Variants in MALRD1 observed in about 807,000 individuals in gnomAD.
MALRD1 encodes the protein MAM and LDL-receptor class A domain-containing protein 1.
MALRD1 carries 247 observed loss-of-function variants against 242.1 expected under a neutral mutation model. The ratio of observed to expected loss-of-function variants is 1.02; its 90% CI spans 0.92 to 1.13. The LOEUF is 1.13. Ranked by LOEUF, MALRD1 falls within the 50% of genes most tolerant of loss-of-function variation. MALRD1 has a pLI of 0.00. For missense variants in MALRD1, 2,989 were observed against 2,533.1 expected (o/e 1.18, Z -3.86); for synonymous variants, 995 against 866.6 (o/e 1.15, Z -2.60).
intron 18 of MALRD1, among the ~76,000 whole-genome samples, chr10:19,232,533 G>A (rs1288127296): frequency 6.6e-6 from 1 of 151,842 alleles, no homozygotes; most frequent in Non-Finnish European, 1.5e-5. Flanking sequence ...AAGTCTCCTT[G>A]GACTCAAACC....
At position 19,049,108 on chromosome 10, in the gene MALRD1, AGT is replaced by A; in HGVS notation, c.174_175del (p.Cys58TrpfsTer3). 1 of 1,233,906 alleles carries A rather than the reference AGT, an allele frequency of 8.1e-7. No homozygotes were observed. The highest frequency in any genetic ancestry group is 4.2e-5 in the Admixed American group (1 of 23,730). 76.4% of individuals were successfully genotyped at this position (1,233,906 alleles called of 1,614,324 possible). A position where few individuals can be genotyped will look rare whatever the true frequency, so the allele number is the denominator to read the frequency against. ...GACAGCATTTGTGACTTCACAGATC[AGT>A]GTGGGGATAGCAGTGATGAACGGCA... On this transcript the variant is annotated frameshift_variant, in exon 1 of 40. Transcript: ENST00000454679. LOFTEE classifies it high-confidence loss of function.
intron 31 of MALRD1, among the ~76,000 whole-genome samples, chr10:19,518,582 C>G (rs1833740500): frequency 1.3e-5 from 2 of 152,104 alleles, no homozygotes; most frequent in African/African-American, 2.4e-5. Context: ...TCATAATTCA[C>G]TCTACAAAAT....
intron 31 of MALRD1, among the ~76,000 whole-genome samples, chr10:19,514,703 T>A (rs1227205120): frequency 6.6e-6 from 1 of 152,130 alleles, no homozygotes; most frequent in Non-Finnish European, 1.5e-5. Context: ...CTCACTTTTC[T>A]TAAGAAATGA....
intron 32 of MALRD1, among the ~76,000 whole-genome samples, chr10:19,547,785 CAT>C (rs1160775136): frequency 0.011 from 175 of 16,200 alleles, 6 homozygotes; most frequent in Middle Eastern, 0.045. Context: ...TTCACAGATA[CAT>C]ATATATATAT....
chr10:19,176,777 AGT>A (rs141400659), intron 14 of MALRD1, among the ~76,000 whole-genome samples: 10 of 150,938 alleles, frequency 6.6e-5, no homozygotes, highest in African/African-American at 1.5e-4. Context: ...TGTTCATGCA[AGT>A]GTGTGTGTGT....
At chr10:19,282,900 A>C (rs1408414147) in intron 20 of MALRD1, 119 bp from the exon 21 acceptor site, 4 of 690,966 alleles carry the variant, frequency 5.8e-6, no homozygotes, top group Non-Finnish European at 6.3e-6. Context: ...TAATTATTTT[A>C]ATAATGTTTA....
rs1035859015 is a variant in MALRD1, at chr10:19,312,373, A to T, written c.3420-11576A>T. On this transcript the variant is annotated intron_variant, in intron 21 of 39. Transcript: ENST00000454679. Reference sequence around the variant, plus strand: ...TCTGGTTCAGTACAGGGCACAGAGGAATGTGTATATATATATATATATATA... The same window carrying T: ...TCTGGTTCAGTACAGGGCACAGAGGTATGTGTATATATATATATATATATA... 8.6e-5 allele frequency among the ~76,000 whole-genome samples: 9 copies of T among 104,064 alleles called. No individual in the cohort carries two copies. In the South Asian group the frequency reaches 1.5e-3, roughly 18 times the overall value. 68.3% of individuals were successfully genotyped at this position (104,064 alleles called of 152,430 possible). A position where few individuals can be genotyped will look rare whatever the true frequency, so the allele number is the denominator to read the frequency against.
chr10:19,661,765 C>A (rs1451323816), intron 36 of MALRD1, among the ~76,000 whole-genome samples: 1 of 151,992 alleles, frequency 6.6e-6, no homozygotes, highest in Non-Finnish European at 1.5e-5. Flanking sequence ...GCACATGTAC[C>A]CTAAAACTTA....
At chr10:19,692,887 A>ATAT (rs1307361084) in intron 38 of MALRD1, among the ~76,000 whole-genome samples, 1 of 38,578 alleles carries the variant, frequency 2.6e-5, no homozygotes, top group African/African-American at 2.0e-4. Flanking sequence ...ATATATATAT[A>ATAT]ATTTCATCCC....
chr10:19,344,667 A>G (rs917913874), intron 24 of MALRD1, among the ~76,000 whole-genome samples: 7 of 151,008 alleles, frequency 4.6e-5, no homozygotes, highest in Admixed American at 2.7e-4. Flanking sequence ...ATAAAAATAT[A>G]TATCTACAAG....
intron 18 of MALRD1, among the ~76,000 whole-genome samples, chr10:19,230,665 T>C (rs1170243434): frequency 6.6e-6 from 1 of 152,120 alleles, no homozygotes; most frequent in Non-Finnish European, 1.5e-5. Flanking sequence ...AAGCTGACAA[T>C]GCTTAGGATC....
intron 29 of MALRD1, among the ~76,000 whole-genome samples, chr10:19,486,082 A>G (rs1458257392): frequency 7.5e-6 from 1 of 132,496 alleles, no homozygotes; most frequent in Admixed American, 7.5e-5. Flanking sequence ...AATGTTAAAG[A>G]CATTGTGTAA....
intron 28 of MALRD1, among the ~76,000 whole-genome samples, chr10:19,405,584 C>G (rs181526709): frequency 2.0e-5 from 3 of 152,280 alleles, no homozygotes; most frequent in Admixed American, 2.0e-4. Flanking sequence ...AACACCAACA[C>G]AAGGCTTATT....
chr10:19,380,615 A>T (rs1220190356), intron 26 of MALRD1, among the ~76,000 whole-genome samples: 23 of 151,976 alleles, frequency 1.5e-4, no homozygotes, highest in Admixed American at 1.5e-3. Flanking sequence ...TAGAAGTTTA[A>T]TGTCCATACA....
chr10:19,195,426 C>A (rs1252938653), intron 14 of MALRD1, among the ~76,000 whole-genome samples: 2 of 152,118 alleles, frequency 1.3e-5, no homozygotes, highest in Non-Finnish European at 2.9e-5. Flanking sequence ...TAGTCTCCAG[C>A]TTTAAATGCC....
intron 14 of MALRD1, among the ~76,000 whole-genome samples, chr10:19,198,948 A>C (rs111986867): frequency 0.018 from 2,813 of 152,342 alleles, 33 homozygotes; most frequent in Non-Finnish European, 0.029. Flanking sequence ...AACTTCAAAC[A>C]CATAACCATT....
chr10:19,518,567 T>C (rs540989985), intron 31 of MALRD1, among the ~76,000 whole-genome samples: 6 of 152,360 alleles, frequency 3.9e-5, no homozygotes, highest in Non-Finnish European at 8.8e-5. Flanking sequence ...TGACATACGT[T>C]GCCTTCATAA....
At chr10:19,692,251 T>A (rs932210933) in intron 36 of MALRD1, 31 bp from the exon 37 acceptor site, 2 of 1,492,824 alleles carry the variant, frequency 1.3e-6, no homozygotes, top group African/African-American at 2.8e-5. Flanking sequence ...CTTTTCTTTT[T>A]TCCAACTATT....
At chr10:19,492,214 A>G (rs1299807735) in intron 30 of MALRD1, among the ~76,000 whole-genome samples, 1 of 152,202 alleles carries the variant, frequency 6.6e-6, no homozygotes, top group Non-Finnish European at 1.5e-5. Flanking sequence ...ATGAGCAGAT[A>G]TTTAAATTCA....
Sources: gnomAD v4.1 joint callset for allele counts (sites outside exome capture counted in the v4.1 genomes callset) on GRCh38, gnomAD v4.1.1 for gene constraint, MANE v1.5 for transcripts, NCBI Gene and HGNC (gene_info 2026-07-23, HGNC 2026-07-21) for gene names.